PARL: variants seen among roughly 807,000 people sequenced by gnomAD.
The protein encoded by PARL is presenilin-associated rhomboid-like protein, mitochondrial.
Under a neutral mutation model 51.6 loss-of-function variants are expected in PARL, and 44 were observed. The observed-to-expected ratio is 0.85, with a 90% CI of 0.67 to 1.10. The LOEUF (loss-of-function observed/expected upper bound fraction) is 1.10, where lower values mean the gene tolerates loss of function less well. Ranked by LOEUF, PARL falls within the 50% of genes least tolerant of loss-of-function variation. The pLI is 0.00. For synonymous variants in PARL, 172 were observed against 164.0 expected (o/e 1.05, Z -0.37); for missense variants, 441 against 469.5 (o/e 0.94, Z 0.56).
rs904802880 is a variant in PARL at position 183,864,669 on chromosome 3, C to T, written c.463-1868G>A. 1.8e-4 allele frequency among the ~76,000 whole-genome samples: 27 copies of T among 151,474 alleles called. No individual in the cohort carries two copies. The East Asian group carries it at 3.5e-3, about 20-fold the overall frequency. On this transcript the variant is annotated intron_variant, in intron 3 of 9. Transcript: ENST00000317096. ...CGGGCACCTGTAGTCCCAGCTACTC[C>T]GGAGGCTGAGGAAGGAGAATGGCGT...
chr3:183,844,244 C>T lies in PARL; in HGVS notation c.594G>A (p.Ser198=), dbSNP rs548998345. Residue 198 remains serine, a synonymous_variant, in exon 5 of 10, where the codon TCG becomes TCA. Coordinates refer to ENST00000317096, the MANE Select transcript of PARL (RefSeq NM_018622.7). The stretch of plus-strand genomic sequence containing the variant: ...AGTTAGACTTACTTGAGGCTGGATT[C>T]GATGTGAAATATCTGATCATTGTCC... ...LQRTMIRYFT[S]NPASKVLCSP... is the part of the protein sequence containing the mutation. 2 of 1,595,494 alleles carry T rather than the reference C, an allele frequency of 1.3e-6. No individual in the cohort carries two copies. Among genetic ancestry groups the T allele is most frequent in the Admixed American group, 1.7e-5 (1 of 59,970 alleles).
intron 9 of PARL, among the ~76,000 whole-genome samples, chr3:183,833,142 GGA>G (rs1164323804): frequency 6.6e-6 from 1 of 152,194 alleles, no homozygotes; most frequent in East Asian, 1.9e-4. Context: ...GCCAGGCAGG[GGA>G]GAGGAGGGCA....
intron 7 of PARL, among the ~76,000 whole-genome samples, chr3:183,838,176 C>G (rs975739083): frequency 6.6e-6 from 1 of 151,934 alleles, no homozygotes; most frequent in Non-Finnish European, 1.5e-5. Flanking sequence ...CAGGTGCATG[C>G]CACCATGCCC....
chr3:183,854,203 C>G (rs770613693), intron 4 of PARL, among the ~76,000 whole-genome samples: 6 of 152,178 alleles, frequency 3.9e-5, no homozygotes, highest in Non-Finnish European at 7.3e-5. Context: ...GATCACGCCA[C>G]TGCACTCCAG....
intron 4 of PARL, among the ~76,000 whole-genome samples, chr3:183,847,281 G>A (rs542858014): frequency 6.6e-6 from 1 of 152,188 alleles, no homozygotes. Flanking sequence ...TGAACGGGCC[G>A]GGTGTGGTGG....
chr3:183,883,041 G>A (rs1734745749), intron 1 of PARL, among the ~76,000 whole-genome samples: 7 of 152,102 alleles, frequency 4.6e-5, no homozygotes, highest in Admixed American at 4.6e-4. Context: ...ATGCAACCAC[G>A]AAAATGTCAT....
At chr3:183,860,958 C>T (rs929930977) in intron 4 of PARL, among the ~76,000 whole-genome samples, 4 of 151,822 alleles carry the variant, frequency 2.6e-5, no homozygotes, top group African/African-American at 9.7e-5. Flanking sequence ...GATTAACAGG[C>T]GTGCACCACC....
Position 183,868,035 on chromosome 3 carries a change from A to G in PARL, c.151T>C (p.Cys51Arg). Residue 51 changes from cysteine (C) to arginine (R), a missense_variant, in exon 2 of 10, where the codon TGC (cysteine) becomes CGC (arginine). By Grantham distance (180) the Cys-to-Arg change is radical. Coordinates refer to ENST00000317096, the MANE Select transcript of PARL (RefSeq NM_018622.7). ...RRFNFFIQQK[C>R]GFRKAPRKVE... The stretch of plus-strand genomic sequence containing the variant: ...TTCCTGGGTGCTTTTCTGAATCCGC[A>G]TTTTTGTTGAATAAAGAAGTTAAAC... 2 of 1,614,124 alleles carry G rather than the reference A, an allele frequency of 1.2e-6. No individual in the cohort carries two copies. Among genetic ancestry groups the G allele is most frequent in the South Asian group, 2.2e-5 (2 of 91,086 alleles).
intron 7 of PARL, among the ~76,000 whole-genome samples, chr3:183,837,308 T>C (rs1342089853): frequency 1.3e-5 from 2 of 152,186 alleles, no homozygotes; most frequent in Admixed American, 6.5e-5. Flanking sequence ...ATATCGATCA[T>C]CCCTCAACAT....
intron 7 of PARL, among the ~76,000 whole-genome samples, chr3:183,839,662 G>A (rs1729058227): frequency 6.6e-6 from 1 of 152,000 alleles, no homozygotes; most frequent in Admixed American, 6.6e-5. Flanking sequence ...CAAGTGAGCT[G>A]CCCACCTCAG....
intron 9 of PARL, among the ~76,000 whole-genome samples, chr3:183,831,400 A>G (rs1350181190): frequency 6.6e-6 from 1 of 152,284 alleles, no homozygotes; most frequent in African/African-American, 2.4e-5. Context: ...TAAAATCGGG[A>G]AATGCAAGAT....
chr3:183,857,048 T>C (rs2108650394), intron 4 of PARL, among the ~76,000 whole-genome samples: 1 of 152,194 alleles, frequency 6.6e-6, no homozygotes, highest in East Asian at 1.9e-4. Context: ...CTCATTTACA[T>C]GGAATACCAT....
At chr3:183,840,665 A>T in intron 6 of PARL, 25 bp from the exon 7 acceptor site, 1 of 1,190,642 alleles carries the variant, frequency 8.4e-7, no homozygotes, top group Non-Finnish European at 1.2e-6. Flanking sequence ...ACATTACAAT[A>T]ATTTAAGTGA....
At chr3:183,828,597 T>A (rs536465724), downstream of PARL, among the ~76,000 whole-genome samples, 22 of 152,326 alleles carry the variant, frequency 1.4e-4, 1 homozygote, top group South Asian at 4.1e-3. Context: ...AATTTCTATG[T>A]GCTGGGCGCG....
chr3:183,830,155 C>T (rs535183869), intron 9 of PARL, among the ~76,000 whole-genome samples: 10 of 152,200 alleles, frequency 6.6e-5, no homozygotes, highest in Non-Finnish European at 1.0e-4. Context: ...CCATGCCTCC[C>T]GTCATCTTCC....
chr3:183,837,834 G>A (rs929639686), intron 7 of PARL, among the ~76,000 whole-genome samples: 4 of 152,044 alleles, frequency 2.6e-5, no homozygotes, highest in South Asian at 2.1e-4. Context: ...ACAATTGGCC[G>A]GGTGTAGTGG....
rs185888789 is a variant in PARL, at chr3:183,881,285, C to A, written c.125+3437G>T. On this transcript the variant is annotated intron_variant, in intron 1 of 9. Coordinates refer to ENST00000317096, the MANE Select transcript of PARL (RefSeq NM_018622.7). ...TACAGGCCCCTGCCACCGTGCCTGG[C>A]TAATTTTTGTATTTTTAGTAGAGAC... is the stretch of plus-strand genomic sequence containing the variant. Among the ~76,000 whole-genome samples the A allele has an allele frequency of 1.7e-3, 264 of 152,072 alleles. 2 individuals are homozygous for A. Among genetic ancestry groups the A allele is most frequent in the African/African-American group, 6.0e-3 (248 of 41,480 alleles).
chr3:183,873,456 T>C (rs1733445622), intron 1 of PARL, among the ~76,000 whole-genome samples: 1 of 151,900 alleles, frequency 6.6e-6, no homozygotes, highest in Non-Finnish European at 1.5e-5. Context: ...GGAGACTCTC[T>C]AGAACCCAGG....
intron 9 of PARL, among the ~76,000 whole-genome samples, chr3:183,832,993 T>C (rs966087893): frequency 3.3e-5 from 5 of 152,222 alleles, no homozygotes; most frequent in African/African-American, 9.6e-5. Flanking sequence ...GGTGCCTGCA[T>C]ACAGCGGGTA....
Sources: allele counts gnomAD v4.1 joint callset (sites outside exome capture counted in the v4.1 genomes callset), GRCh38; gene constraint gnomAD v4.1.1; transcripts MANE v1.5; gene names NCBI Gene and HGNC (gene_info 2026-07-23, HGNC 2026-07-21).